CTNNA2: variants seen among roughly 807,000 people sequenced by gnomAD.
The protein encoded by CTNNA2 is catenin alpha 2.
Under a neutral mutation model 101.0 loss-of-function variants are expected in CTNNA2, and 42 were observed. The observed-to-expected ratio is 0.42, with a 90% CI of 0.32 to 0.54. The LOEUF (loss-of-function observed/expected upper bound fraction) is 0.54, where lower values mean the gene tolerates loss of function less well. CTNNA2 is among the 20% of genes least tolerant of loss of function. The pLI is 0.14. For synonymous variants in CTNNA2, 450 were observed against 456.4 expected, an observed-to-expected ratio of 0.99 and a Z score of 0.18; for missense variants, 871 against 1,223.1, an observed-to-expected ratio of 0.71 and a Z score of 4.29.
intron 2 of CTNNA2, among the ~76,000 whole-genome samples, chr2:79,659,072 C>T (rs1286002420): frequency 6.6e-6 from 1 of 151,870 alleles, no homozygotes; most frequent in East Asian, 1.9e-4. Flanking sequence ...TGAGTCACAA[C>T]AATAGTTCAT....
chr2:80,098,792 G>A lies in CTNNA2; in HGVS notation c.1056+188995G>A, dbSNP rs550264242. On this transcript the variant is annotated intron_variant, in intron 7 of 18. Coordinates refer to ENST00000402739, the MANE Select transcript of CTNNA2 (RefSeq NM_001282597.3). ...CAATGAGGGAGGCTTCGTGGGCATA[G>A]GACCCTCTGAGCCAGGTGCGGGTTA... 6.9e-4 allele frequency among the ~76,000 whole-genome samples: 105 copies of A among 152,308 alleles called. 2 individuals carry two copies. The South Asian group carries it at 0.022, about 32-fold the overall frequency.
intron 9 of CTNNA2, among the ~76,000 whole-genome samples, chr2:80,422,231 G>T (rs1680589237): frequency 6.6e-6 from 1 of 152,154 alleles, no homozygotes; most frequent in Non-Finnish European, 1.5e-5. Flanking sequence ...AACTTGTACA[G>T]GGGAAGTCCC....
intron 1 of CTNNA2, among the ~76,000 whole-genome samples, chr2:79,586,901 T>C (rs994860279): frequency 2.0e-5 from 3 of 152,084 alleles, no homozygotes; most frequent in African/African-American, 4.8e-5. Flanking sequence ...CTTCCAATTA[T>C]GAGTGAGAAC....
chr2:79,303,094 A>G (rs1431075680), intron 2 of CTNNA2, among the ~76,000 whole-genome samples: 1 of 152,130 alleles, frequency 6.6e-6, no homozygotes. Context: ...CATTGTTGTT[A>G]TTATTATTTT....
At chr2:79,409,327 T>G (rs1487936506) in intron 4 of CTNNA2, among the ~76,000 whole-genome samples, 2 of 151,966 alleles carry the variant, frequency 1.3e-5, no homozygotes, top group African/African-American at 4.8e-5. Flanking sequence ...GTCAATTTTG[T>G]CTTTTGTTGC....
intron 7 of CTNNA2, among the ~76,000 whole-genome samples, chr2:80,088,276 A>G (rs1202120374): frequency 6.6e-6 from 1 of 152,050 alleles, no homozygotes; most frequent in Admixed American, 6.6e-5. Context: ...TACTGAAATC[A>G]TCTTATTAAA....
intron 7 of CTNNA2, among the ~76,000 whole-genome samples, chr2:80,312,167 G>T (rs559368065): frequency 2.0e-5 from 3 of 152,330 alleles, no homozygotes; most frequent in African/African-American, 7.2e-5. Context: ...TCTTCAGAAA[G>T]GGTGCTCATC....
chr2:80,331,919 G>T lies in CTNNA2; in HGVS notation c.1057-61292G>T, dbSNP rs945928122. 2.6e-5 allele frequency among the ~76,000 whole-genome samples: 4 copies of T among 152,182 alleles called. No individual in the cohort carries two copies. The Middle Eastern group carries it at 0.01, about 388-fold the overall frequency. ...TGATGCTACTCCAATCCTTCTGCTT[G>T]TTGTGTCAAATTTTCTTTCATTTTG... On this transcript the variant is annotated intron_variant, in intron 7 of 18. Transcript: ENST00000402739.
At chr2:80,483,933 G>T (rs1686343484) in intron 9 of CTNNA2, among the ~76,000 whole-genome samples, 1 of 152,140 alleles carries the variant, frequency 6.6e-6, no homozygotes, top group Admixed American at 6.5e-5. Context: ...GCAAGGATTT[G>T]TAAGGCAATA....
At chr2:79,321,438 C>A (rs946009586) in intron 3 of CTNNA2, among the ~76,000 whole-genome samples, 1 of 152,030 alleles carries the variant, frequency 6.6e-6, no homozygotes, top group African/African-American at 2.4e-5. Context: ...GGTTCTATAG[C>A]AGCTGAGAGA....
intron 4 of CTNNA2, among the ~76,000 whole-genome samples, chr2:79,460,407 A>G (rs1301764247): frequency 6.6e-6 from 1 of 152,128 alleles, no homozygotes. Context: ...CAATTTGATC[A>G]CTTAGTCCAG....
intron 9 of CTNNA2, among the ~76,000 whole-genome samples, chr2:80,527,468 A>T (rs1690143310): frequency 6.6e-6 from 1 of 152,144 alleles, no homozygotes. Flanking sequence ...ATAAGTTCCC[A>T]GGTGATGCTG....
intron 7 of CTNNA2, among the ~76,000 whole-genome samples, chr2:79,991,228 C>A (rs891053318): frequency 2.6e-5 from 4 of 151,998 alleles, no homozygotes; most frequent in Non-Finnish European, 4.4e-5. Context: ...AAAACCAGCT[C>A]CTGGATTCAT....
chr2:79,313,060 T>C (rs13425304), intron 3 of CTNNA2, among the ~76,000 whole-genome samples: 24,981 of 152,208 alleles, frequency 0.16, 2,269 homozygotes, highest in African/African-American at 0.23. Flanking sequence ...TGCTGATGTC[T>C]AGAGAAAGAA....
intron 7 of CTNNA2, among the ~76,000 whole-genome samples, chr2:80,228,635 G>A (rs148565343): frequency 2.5e-3 from 378 of 152,276 alleles, no homozygotes; most frequent in African/African-American, 8.7e-3. Context: ...ACAAGAAACA[G>A]ATCCACTCAC....
chr2:79,920,053 C>CA (rs1265566429), intron 7 of CTNNA2, among the ~76,000 whole-genome samples: 1 of 152,026 alleles, frequency 6.6e-6, no homozygotes, highest in Non-Finnish European at 1.5e-5. Context: ...CCCGTCTCTA[C>CA]AAAAAATACA....
At chr2:80,483,171 C>G (rs1686281579) in intron 9 of CTNNA2, among the ~76,000 whole-genome samples, 1 of 151,946 alleles carries the variant, frequency 6.6e-6, no homozygotes, top group South Asian at 2.1e-4. Context: ...CATTTTGTAC[C>G]TTTTGTTCAT....
At chr2:79,562,291 T>C (rs1375974752) in intron 1 of CTNNA2, among the ~76,000 whole-genome samples, 1 of 152,054 alleles carries the variant, frequency 6.6e-6, no homozygotes, top group Non-Finnish European at 1.5e-5. Flanking sequence ...CCTTATATCA[T>C]TATTAGACTG....
chr2:79,624,173 T>A (rs1336679291), intron 1 of CTNNA2, among the ~76,000 whole-genome samples: 1 of 152,190 alleles, frequency 6.6e-6, no homozygotes, highest in Non-Finnish European at 1.5e-5. Context: ...AAGAAAAGAT[T>A]ATCCCTGATT....
Sources: gnomAD v4.1 joint callset for allele counts (sites outside exome capture counted in the v4.1 genomes callset) on GRCh38, gnomAD v4.1.1 for gene constraint, MANE v1.5 for transcripts, NCBI Gene and HGNC (gene_info 2026-07-23, HGNC 2026-07-21) for gene names.